The following ADAMTS18 variants were observed in gnomAD, a reference collection of about 807,000 sequenced individuals.
The protein encoded by ADAMTS18 is ADAM metallopeptidase with thrombospondin type 1 motif 18, also known as A disintegrin and metalloproteinase with thrombospondin motifs 18.
A neutral mutation model predicts 165.9 loss-of-function variants in ADAMTS18; 157 were observed. That is an observed-to-expected ratio of 0.95 (90% CI 0.83 to 1.08). ADAMTS18 has a LOEUF of 1.08. Among genes scored for constraint, ADAMTS18 ranks in the 50% least tolerant of loss-of-function variants. The pLI is 0.00. For missense variants in ADAMTS18, 2,040 were observed against 1,534.0 expected, an observed-to-expected ratio of 1.33 and a Z score of -5.51; for synonymous variants, 782 against 578.2, an observed-to-expected ratio of 1.35 and a Z score of -5.06.
intron 11 of ADAMTS18, among the ~76,000 whole-genome samples, chr16:77,337,256 A>T (rs2056324693): frequency 6.6e-6 from 1 of 152,200 alleles, no homozygotes; most frequent in African/African-American, 2.4e-5. Context: ...CATCTTTTCT[A>T]CCGGGAATCA....
intron 17 of ADAMTS18, among the ~76,000 whole-genome samples, chr16:77,297,669 G>C (rs988265046): frequency 1.3e-5 from 2 of 151,848 alleles, no homozygotes; most frequent in Non-Finnish European, 2.9e-5. Context: ...GTGGATACTA[G>C]AACCATAAAT....
intron 3 of ADAMTS18, among the ~76,000 whole-genome samples, chr16:77,431,088 T>C (rs1210490016): frequency 2.0e-5 from 3 of 152,208 alleles, no homozygotes; most frequent in African/African-American, 4.8e-5. Flanking sequence ...CATCAAAAGA[T>C]TGTTCTAAAT....
At chr16:77,301,626 G>T (rs1170952811) in intron 16 of ADAMTS18, among the ~76,000 whole-genome samples, 2 of 152,216 alleles carry the variant, frequency 1.3e-5, no homozygotes, top group East Asian at 3.8e-4. Flanking sequence ...CCTCGGGTGG[G>T]ATCCCACCTC....
intron 12 of ADAMTS18, among the ~76,000 whole-genome samples, chr16:77,330,826 A>G (rs1428002728): frequency 1.3e-5 from 2 of 152,194 alleles, no homozygotes; most frequent in Admixed American, 6.5e-5. Flanking sequence ...CAGAAACCTC[A>G]CACTGCTTCT....
At chr16:77,328,852 T>C (rs1242524480) in intron 12 of ADAMTS18, among the ~76,000 whole-genome samples, 1 of 152,210 alleles carries the variant, frequency 6.6e-6, no homozygotes, top group Non-Finnish European at 1.5e-5. Flanking sequence ...GCCATTGTCC[T>C]CCTTTCATAG....
chr16:77,341,984 G>A (rs1187393072), intron 10 of ADAMTS18, among the ~76,000 whole-genome samples, 185 bp from the exon 11 acceptor site: 2 of 152,112 alleles, frequency 1.3e-5, no homozygotes, highest in East Asian at 3.8e-4. Flanking sequence ...ATAAGTGGGG[G>A]GTTTCTACAG....
At chr16:77,299,288 A>G (rs1162697044) in intron 17 of ADAMTS18, among the ~76,000 whole-genome samples, 1 of 152,250 alleles carries the variant, frequency 6.6e-6, no homozygotes, top group African/African-American at 2.4e-5. Flanking sequence ...CCTGTTTACA[A>G]ATTATGGGGA....
intron 13 of ADAMTS18, among the ~76,000 whole-genome samples, chr16:77,325,365 A>G (rs1225155424): frequency 6.6e-6 from 1 of 152,230 alleles, no homozygotes; most frequent in Non-Finnish European, 1.5e-5. Context: ...CTTTAAGTAT[A>G]GTAAGTACCA....
At position 77,284,051 on chromosome 16, in the gene ADAMTS18, A is replaced by T. The variant is rs757155340; in HGVS notation, c.3571T>A (p.Phe1191Ile). 6.8e-6 allele frequency: 11 copies of T among 1,613,252 alleles called. No individual in the cohort carries two copies. The East Asian group carries it at 2.2e-4, about 33-fold the overall frequency. ...EKREDPSCVDFFNWCHLVPQH... is the reference protein window; with the variant it reads ...EKREDPSCVDIFNWCHLVPQH... ...GGAACTAGGTGACACCAGTTGAAGA[A>T]ATCTACGCAGGATGGATCCTCTAAA... is the stretch of plus-strand genomic sequence containing the variant. Residue 1191 changes from phenylalanine to isoleucine, a missense_variant, in exon 23 of 23, where the codon TTC (phenylalanine) becomes ATC (isoleucine). Physicochemically the swap from Phe to Ile is conservative, Grantham distance 21 (BLOSUM62 0). Transcript: ENST00000282849.
At chr16:77,349,524 T>TTA (rs1555516730) in intron 10 of ADAMTS18, among the ~76,000 whole-genome samples, 2 of 71,534 alleles carry the variant, frequency 2.8e-5, no homozygotes, top group African/African-American at 1.2e-4. Context: ...TCATCTTATG[T>TTA]AAAAAAAAAA....
In ADAMTS18 at chr16:77,386,314, A is replaced by C. The variant is rs189844765; in HGVS notation, c.496-18591T>G. Among the ~76,000 whole-genome samples the C allele has an allele frequency of 2.8e-4, 42 of 152,270 alleles. No homozygotes were observed. In the East Asian group the frequency reaches 6.0e-3, roughly 22 times the overall value. ...ACCTATACCCAACTTGGACTTTAGG[A>C]TCCAAATTTCTAAGGTTTTAAAACC... On this transcript the variant is annotated intron_variant, in intron 3 of 22. Coordinates refer to ENST00000282849, the MANE Select transcript of ADAMTS18 (RefSeq NM_199355.4).
At chr16:77,290,708 C>T in intron 21 of ADAMTS18, 1 of 164,422 alleles carries the variant, frequency 6.1e-6, no homozygotes, top group South Asian at 1.6e-4. Flanking sequence ...AAAGTTTCAC[C>T]CAAGTCTTCT....
At position 77,289,314 on chromosome 16, in the gene ADAMTS18, G is replaced by T. The variant is rs148588314; in HGVS notation, c.3500C>A (p.Pro1167Gln). The T allele has an allele frequency of 1.2e-6, 2 of 1,614,106 alleles. No homozygotes were observed. Among genetic ancestry groups the T allele is most frequent in the Non-Finnish European group, 1.7e-6 (2 of 1,179,994 alleles). ...SSSCLLHQKP[P>Q]VLRACNTNFC... ...GTTTGTATTACAGGCTCGTAGCACC[G>T]GAGGTTTCTGATGGAGCAGACAACT... The change falls in exon 22 of 23, where the codon CCG (proline) becomes CAG (glutamine). Residue 1167 changes from proline to glutamine, a missense_variant. Coordinates refer to ENST00000282849, the MANE Select transcript of ADAMTS18 (RefSeq NM_199355.4).
intron 3 of ADAMTS18, among the ~76,000 whole-genome samples, chr16:77,428,645 G>C (rs1489025384): frequency 1.3e-5 from 2 of 152,030 alleles, no homozygotes; most frequent in African/African-American, 2.4e-5. Flanking sequence ...ACATATACAA[G>C]TTGAGTACCC....
intron 16 of ADAMTS18, among the ~76,000 whole-genome samples, chr16:77,310,624 C>G (rs78632729): frequency 0.15 from 21,647 of 146,488 alleles, 1,661 homozygotes; most frequent in East Asian, 0.32. Context: ...AGATTTATGT[C>G]TTAACCTTTT....
chr16:77,420,919 G>A (rs1413307577), intron 3 of ADAMTS18, among the ~76,000 whole-genome samples: 2 of 152,084 alleles, frequency 1.3e-5, no homozygotes, highest in Non-Finnish European at 2.9e-5. Context: ...AAAATCACAG[G>A]GTGAACCCAT....
At chr16:77,414,421 G>C (rs2057503674) in intron 3 of ADAMTS18, among the ~76,000 whole-genome samples, 1 of 152,032 alleles carries the variant, frequency 6.6e-6, no homozygotes, top group South Asian at 2.1e-4. Flanking sequence ...AAAAATAAAA[G>C]TATTTCATTA....
intron 11 of ADAMTS18, 32 bp downstream of exon 11, chr16:77,341,672 T>C (rs2056399430): frequency 6.4e-7 from 1 of 1,568,544 alleles, no homozygotes; most frequent in Non-Finnish European, 8.8e-7. Flanking sequence ...ATCAAATTTC[T>C]GGAGCTAAAA....
chr16:77,352,924 T>G (rs982355847), intron 10 of ADAMTS18, among the ~76,000 whole-genome samples: 38 of 151,888 alleles, frequency 2.5e-4, no homozygotes, highest in African/African-American at 9.2e-4. Context: ...GTGAAATCCC[T>G]TCTCTACTGA....
Sources: gnomAD v4.1 joint callset for allele counts (sites outside exome capture counted in the v4.1 genomes callset) on GRCh38, gnomAD v4.1.1 for gene constraint, MANE v1.5 for transcripts, NCBI Gene and HGNC (gene_info 2026-07-23, HGNC 2026-07-21) for gene names.